The following UBE2L6 variants were observed in gnomAD, a reference collection of about 807,000 sequenced individuals.
UBE2L6 encodes the protein ubiquitin/ISG15-conjugating enzyme E2 L6.
UBE2L6 carries 11 observed loss-of-function variants against 13.6 expected under a neutral mutation model. The observed-to-expected ratio is 0.81, with a 90% CI of 0.51 to 1.34. The LOEUF is 1.34. Among genes scored for constraint, UBE2L6 ranks in the 40% most tolerant of loss-of-function variants. UBE2L6 has a pLI of 0.00. For missense variants in UBE2L6, 197 were observed against 199.5 expected (o/e 0.99, Z 0.07); for synonymous variants, 74 against 83.2 (o/e 0.89, Z 0.60).
chr11:57,557,337 C>G (rs1164807374), intron 2 of UBE2L6, among the ~76,000 whole-genome samples: 1 of 151,894 alleles, frequency 6.6e-6, no homozygotes, highest in African/African-American at 2.4e-5. Context: ...CCTTTGCCTT[C>G]CACCATGAGT....
chr11:57,555,380 C>CA (rs1398766681), intron 2 of UBE2L6, among the ~76,000 whole-genome samples: 3 of 151,916 alleles, frequency 2.0e-5, no homozygotes, highest in South Asian at 2.1e-4. Flanking sequence ...ATAAGCTAGA[C>CA]AAAAAAAGGA....
chr11:57,557,529 G>A (rs916646711), intron 2 of UBE2L6, among the ~76,000 whole-genome samples: 6 of 151,788 alleles, frequency 4.0e-5, no homozygotes, highest in African/African-American at 1.5e-4. Context: ...CAACTAGTTG[G>A]GATTATAGGC....
At chr11:57,552,594 A>C in intron 3 of UBE2L6, 85 bp from the exon 4 acceptor site, 1 of 1,522,818 alleles carries the variant, frequency 6.6e-7, no homozygotes. Flanking sequence ...GACACTCCAC[A>C]CTCACTCCTT....
At chr11:57,560,074 G>A (rs1458955866) in intron 2 of UBE2L6, among the ~76,000 whole-genome samples, 2 of 152,154 alleles carry the variant, frequency 1.3e-5, no homozygotes, top group Non-Finnish European at 2.9e-5. Flanking sequence ...CTGAAGTTCT[G>A]TGGTGGGCTT....
chr11:57,561,194 C>T (rs957251749), intron 1 of UBE2L6, among the ~76,000 whole-genome samples: 1 of 152,152 alleles, frequency 6.6e-6, no homozygotes, highest in South Asian at 2.1e-4. Flanking sequence ...ATGACCCCAC[C>T]GCTTCAAACT....
chr11:57,559,008 T>C (rs996953815), intron 2 of UBE2L6, among the ~76,000 whole-genome samples: 1 of 152,346 alleles, frequency 6.6e-6, no homozygotes, highest in Admixed American at 6.5e-5. Flanking sequence ...GGTCCTCTGA[T>C]TTCATAGTAC....
At chr11:57,564,969 G>A (rs372379021) in intron 1 of UBE2L6, among the ~76,000 whole-genome samples, 3 of 151,446 alleles carry the variant, frequency 2.0e-5, no homozygotes, top group South Asian at 2.1e-4. Context: ...AGAAATGGCC[G>A]GGCACAGTGG....
At chr11:57,553,054 C>T (rs1944971189) in intron 3 of UBE2L6, among the ~76,000 whole-genome samples, 1 of 152,218 alleles carries the variant, frequency 6.6e-6, no homozygotes. Context: ...CTCCCACTCC[C>T]ACCAACCTAA....
chr11:57,554,009 C>T (rs750720584), intron 3 of UBE2L6, among the ~76,000 whole-genome samples: 4 of 152,126 alleles, frequency 2.6e-5, no homozygotes, highest in Non-Finnish European at 5.9e-5. Context: ...AAAATGAAGT[C>T]GGCAGGTGAT....
intron 1 of UBE2L6, among the ~76,000 whole-genome samples, chr11:57,566,297 TCAC>T (rs1254234578): frequency 2.6e-5 from 4 of 152,032 alleles, no homozygotes; most frequent in Non-Finnish European, 4.4e-5. Flanking sequence ...TACTAGGAAA[TCAC>T]CTGACTCAGA....
At chr11:57,563,735 C>CAA (rs35011093) in intron 1 of UBE2L6, among the ~76,000 whole-genome samples, 1 of 133,178 alleles carries the variant, frequency 7.5e-6, no homozygotes, top group Non-Finnish European at 1.6e-5. Flanking sequence ...ACTAAAAATA[C>CAA]AAAAAAAAAA....
At chr11:57,553,080 G>A (rs1565158149) in intron 3 of UBE2L6, among the ~76,000 whole-genome samples, 1 of 152,218 alleles carries the variant, frequency 6.6e-6, no homozygotes, top group Non-Finnish European at 1.5e-5. Context: ...TTCATTTCCT[G>A]AGTTAAAAAC....
chr11:57,555,733 T>A (rs1254408140), intron 2 of UBE2L6, among the ~76,000 whole-genome samples: 7 of 152,224 alleles, frequency 4.6e-5, no homozygotes, highest in African/African-American at 1.4e-4. Flanking sequence ...CCCACCACCA[T>A]ATCTGGCTAA....
intron 2 of UBE2L6, among the ~76,000 whole-genome samples, chr11:57,559,379 GGT>G (rs1307113954): frequency 6.6e-6 from 1 of 152,204 alleles, no homozygotes; most frequent in African/African-American, 2.4e-5. Context: ...AGGAGGCCGA[GGT>G]GGGCAGATCA....
At chr11:57,552,724 T>G (rs1944969181) in intron 3 of UBE2L6, among the ~76,000 whole-genome samples, 1 of 152,114 alleles carries the variant, frequency 6.6e-6, no homozygotes, top group Non-Finnish European at 1.5e-5. Context: ...ACAACTACAT[T>G]CCATGGCTTC....
intron 3 of UBE2L6, 132 bp downstream of exon 3, chr11:57,554,305 T>A: frequency 9.4e-7 from 1 of 1,059,788 alleles, no homozygotes; most frequent in Non-Finnish European, 1.4e-6. Context: ...TATCTCATAG[T>A]AAGTTCAGCC....
chr11:57,562,562 G>A (rs1945055472), intron 1 of UBE2L6, among the ~76,000 whole-genome samples: 1 of 152,238 alleles, frequency 6.6e-6, no homozygotes, highest in Non-Finnish European at 1.5e-5. Context: ...ACCCAGTGCA[G>A]TCCCAATTCT....
At position 57,554,484 on chromosome 11, in the gene UBE2L6, G is replaced by C; in HGVS notation, c.263C>G (p.Pro88Arg). 1 of 1,614,148 alleles carries C rather than the reference G, an allele frequency of 6.2e-7. No individual in the cohort carries two copies. The highest frequency in any genetic ancestry group is 1.1e-5 in the South Asian group (1 of 91,076). ...NVDENGQICL[P>R]IISSENWKPC... ...CTTCCAGTTCTCACTGCTGATGATG[G>C]GCAGGCAAATCTGTCCGTTCTCGTC... Residue 88 changes from proline (P) to arginine (R), a missense_variant, in exon 3 of 4, where the codon CCC becomes CGC. Pro to Arg is a moderately radical substitution (Grantham distance 103, BLOSUM62 -2). Transcript: ENST00000287156.
intron 1 of UBE2L6, chr11:57,566,942 T>TC: frequency 1.6e-5 from 3 of 193,390 alleles, no homozygotes; most frequent in African/African-American, 6.6e-5. Flanking sequence ...TGTTCATCTC[T>TC]GCCCGCCCCC....
Sources: gnomAD v4.1 joint callset for allele counts (sites outside exome capture counted in the v4.1 genomes callset) on GRCh38, gnomAD v4.1.1 for gene constraint, MANE v1.5 for transcripts, NCBI Gene and HGNC (gene_info 2026-07-23, HGNC 2026-07-21) for gene names.